Variants in SLX4IP observed in about 807,000 individuals in gnomAD.
The protein encoded by SLX4IP is SLX4 interacting protein.
A neutral mutation model predicts 32.9 loss-of-function variants in SLX4IP; 34 were observed. That is an observed-to-expected ratio of 1.03 (90% CI 0.79 to 1.38). The LOEUF (loss-of-function observed/expected upper bound fraction) is 1.38. Ranked by LOEUF, SLX4IP falls within the 40% of genes most tolerant of loss-of-function variation. The pLI is 0.00. For synonymous variants in SLX4IP, 172 were observed against 171.7 expected (o/e 1.00, Z -0.01); for missense variants, 444 against 479.0 (o/e 0.93, Z 0.68).
intron 1 of SLX4IP, among the ~76,000 whole-genome samples, chr20:10,447,934 G>A (rs1006183584): frequency 6.6e-5 from 10 of 151,028 alleles, no homozygotes; most frequent in African/African-American, 2.2e-4. Flanking sequence ...CGAACTCCTG[G>A]GCTCAAGCAG....
chr20:10,550,162 G>T (rs2066203736), intron 2 of SLX4IP, among the ~76,000 whole-genome samples: 1 of 152,168 alleles, frequency 6.6e-6, no homozygotes, highest in South Asian at 2.1e-4. Flanking sequence ...AGAGACTTGG[G>T]ACTATGGTGG....
chr20:10,613,715 G>A (rs139643159), intron 6 of SLX4IP: 40,100 of 1,612,562 alleles, frequency 0.025, 790 homozygotes, highest in Admixed American at 0.1. Context: ...CCTCTCCGGC[G>A]TCAATAGCTT....
At chr20:10,495,492 T>C (rs1465657537) in intron 2 of SLX4IP, among the ~76,000 whole-genome samples, 1 of 152,062 alleles carries the variant, frequency 6.6e-6, no homozygotes, top group Non-Finnish European at 1.5e-5. Flanking sequence ...AAATGTAAGA[T>C]TCTATTAAAT....
chr20:10,515,452 G>A (rs940052831), intron 2 of SLX4IP, among the ~76,000 whole-genome samples: 3 of 152,148 alleles, frequency 2.0e-5, no homozygotes, highest in Non-Finnish European at 4.4e-5. Context: ...TGATATAGTT[G>A]CTTTCCAAAG....
chr20:10,549,018 C>T (rs1036539472), intron 2 of SLX4IP, among the ~76,000 whole-genome samples: 3 of 152,200 alleles, frequency 2.0e-5, no homozygotes, highest in East Asian at 1.9e-4. Context: ...ATGTAAACTA[C>T]AAGCTTGGAT....
intron 2 of SLX4IP, among the ~76,000 whole-genome samples, chr20:10,461,027 C>A (rs2065333019): frequency 6.6e-6 from 1 of 152,186 alleles, no homozygotes; most frequent in Admixed American, 6.5e-5. Flanking sequence ...ATTTTCTCTG[C>A]CTCTCCTAAT....
At chr20:10,554,571 T>G (rs1404858405) in intron 2 of SLX4IP, among the ~76,000 whole-genome samples, 3 of 152,210 alleles carry the variant, frequency 2.0e-5, no homozygotes, top group African/African-American at 4.8e-5. Flanking sequence ...TATGAGAGTC[T>G]GGGTTGTTCC....
chr20:10,559,089 G>A (rs139785779), intron 3 of SLX4IP, among the ~76,000 whole-genome samples: 1,633 of 151,662 alleles, frequency 0.011, 32 homozygotes, highest in African/African-American at 0.037. Context: ...AGTCATAGTT[G>A]AACTCTGCAT....
intron 2 of SLX4IP, among the ~76,000 whole-genome samples, chr20:10,476,363 C>T (rs1489234940): frequency 6.6e-6 from 1 of 152,166 alleles, no homozygotes; most frequent in African/African-American, 2.4e-5. Flanking sequence ...GTCCCATAGT[C>T]ATCTATGAGT....
Position 10,623,595 on chromosome 20 carries a change from T to C in SLX4IP, c.*216T>C, listed in dbSNP as rs2067142265. On this transcript the variant is annotated 3_prime_UTR_variant, in exon 8 of 8. Transcript: ENST00000334534. Reference sequence around the variant, plus strand: ...TCTAACAGCGTTGCTTCTTTATCATTGTATTTTATGACTGTCTTCAGAGAA... The same window carrying C: ...TCTAACAGCGTTGCTTCTTTATCATCGTATTTTATGACTGTCTTCAGAGAA... The C allele has an allele frequency of 1.6e-6, 1 of 634,692 alleles. No homozygotes were observed. Among genetic ancestry groups the C allele is most frequent in the Non-Finnish European group, 2.6e-6 (1 of 384,376 alleles). The allele number at this position is 634,692 out of a possible 1,614,324, so 39.3% of individuals were successfully genotyped here.
chr20:10,598,141 A>G (rs1257813125), intron 4 of SLX4IP, among the ~76,000 whole-genome samples: 1 of 152,198 alleles, frequency 6.6e-6, no homozygotes, highest in Non-Finnish European at 1.5e-5. Context: ...CAGTTGAAGT[A>G]ACTGAGGGAC....
chr20:10,586,535 G>A (rs1369683545), intron 4 of SLX4IP, among the ~76,000 whole-genome samples: 8 of 152,086 alleles, frequency 5.3e-5, no homozygotes, highest in African/African-American at 1.9e-4. Flanking sequence ...TTATGTAAGG[G>A]TTCCTAGTAC....
chr20:10,621,806 G>A (rs2067115159), intron 7 of SLX4IP, among the ~76,000 whole-genome samples: 1 of 152,106 alleles, frequency 6.6e-6, no homozygotes, highest in Admixed American at 6.5e-5. Flanking sequence ...AATATTACAT[G>A]TATTTGTTTT....
At chr20:10,465,714 C>T (rs528861106) in intron 2 of SLX4IP, among the ~76,000 whole-genome samples, 1 of 152,340 alleles carries the variant, frequency 6.6e-6, no homozygotes, top group African/African-American at 2.4e-5. Context: ...CCATGTTGGC[C>T]AGGCTGGTCT....
chr20:10,499,425 A>G (rs1016038095), intron 2 of SLX4IP, among the ~76,000 whole-genome samples: 3 of 152,208 alleles, frequency 2.0e-5, no homozygotes, highest in African/African-American at 7.2e-5. Context: ...ATTCAATTCT[A>G]GACAATTCAT....
At chr20:10,504,896 G>A (rs1179398640) in intron 2 of SLX4IP, among the ~76,000 whole-genome samples, 1 of 151,832 alleles carries the variant, frequency 6.6e-6, no homozygotes, top group Non-Finnish European at 1.5e-5. Flanking sequence ...AAACTGTTCC[G>A]ACCTATAGCC....
At chr20:10,508,610 T>A (rs2065779134) in intron 2 of SLX4IP, among the ~76,000 whole-genome samples, 1 of 152,180 alleles carries the variant, frequency 6.6e-6, no homozygotes, top group Non-Finnish European at 1.5e-5. Flanking sequence ...GCTGGCAACT[T>A]GCTCCTACAG....
intron 2 of SLX4IP, among the ~76,000 whole-genome samples, chr20:10,543,353 T>G (rs1435088101): frequency 6.6e-6 from 1 of 152,224 alleles, no homozygotes; most frequent in African/African-American, 2.4e-5. Context: ...GATGTCTATT[T>G]GACTCCCAAG....
At chr20:10,524,853 A>C (rs552257936) in intron 2 of SLX4IP, among the ~76,000 whole-genome samples, 2 of 152,190 alleles carry the variant, frequency 1.3e-5, no homozygotes, top group African/African-American at 2.4e-5. Context: ...TCTCCTGCTC[A>C]GTCATACTTG....
Sources: gnomAD v4.1 joint callset for allele counts (sites outside exome capture counted in the v4.1 genomes callset) on GRCh38, gnomAD v4.1.1 for gene constraint, MANE v1.5 for transcripts, NCBI Gene and HGNC (gene_info 2026-07-23, HGNC 2026-07-21) for gene names.